Variants in NCEH1 observed in about 807,000 individuals in gnomAD.
NCEH1 encodes the protein 2-acetyl MAGE hydrolase.
In NCEH1, 9 loss-of-function variants were observed where a neutral mutation model predicts 25.4. That is an observed-to-expected ratio of 0.35 (90% CI 0.21 to 0.62). The LOEUF (loss-of-function observed/expected upper bound fraction) is 0.62, where lower values mean the gene tolerates loss of function less well. NCEH1 is among the 20% of genes least tolerant of loss of function. The probability of loss-of-function intolerance (pLI) is 0.72; values close to 1 mark genes in which losing one functional copy is unlikely to be tolerated. For synonymous variants in NCEH1, 200 were observed against 199.8 expected, an observed-to-expected ratio of 1.00 and a Z score of -0.01; for missense variants, 412 against 501.1, an observed-to-expected ratio of 0.82 and a Z score of 1.70.
intron 3 of NCEH1, among the ~76,000 whole-genome samples, chr3:172,642,602 A>AC (rs1234326745): frequency 8.5e-6 from 1 of 117,632 alleles, no homozygotes; most frequent in East Asian, 3.6e-4. Flanking sequence ...TGCTATTTCT[A>AC]CAAAAAAAAA....
intron 1 of NCEH1, among the ~76,000 whole-genome samples, chr3:172,665,583 C>A (rs1483515496): frequency 6.6e-6 from 1 of 152,214 alleles, no homozygotes; most frequent in Non-Finnish European, 1.5e-5. Flanking sequence ...TGCCCTGCCC[C>A]CAGAGGTGGA....
At chr3:172,667,456 T>A (rs1012910508) in intron 1 of NCEH1, among the ~76,000 whole-genome samples, 7 of 152,110 alleles carry the variant, frequency 4.6e-5, no homozygotes, top group African/African-American at 1.7e-4. Flanking sequence ...GTTTAGGAAG[T>A]CAAAGGGAAA....
intron 1 of NCEH1, among the ~76,000 whole-genome samples, chr3:172,680,322 C>T (rs1712274451): frequency 6.6e-6 from 1 of 152,164 alleles, no homozygotes; most frequent in Non-Finnish European, 1.5e-5. Context: ...CAGCTGGTGG[C>T]CTCTCTCAGG....
rs977314894 is a variant in NCEH1 at position 172,633,829 on chromosome 3, G to T, written c.873C>A (p.Leu291=). 6.2e-7 allele frequency: 1 copy of T among 1,614,240 alleles called. No homozygotes were observed. Among genetic ancestry groups the T allele is most frequent in the African/African-American group, 1.3e-5 (1 of 75,068 alleles). The change falls in exon 5 of 5, where the codon CTC becomes CTA. Residue 291 remains leucine (L), a synonymous_variant. Transcript: ENST00000475381. The stretch of plus-strand genomic sequence containing the variant: ...AGTTCTTTGTGAAGGATGCAGGCAA[G>T]AGGGATGTCCAGTTTAGACGGGCCC... ...AVRARLNWTS[L]LPASFTKNYK...
In NCEH1 at chr3:172,666,601, G is replaced by A. The variant is rs1315593972; in HGVS notation, c.139-18487C>T. On this transcript the variant is annotated intron_variant, in intron 1 of 4. Coordinates refer to ENST00000475381, the MANE Select transcript of NCEH1 (RefSeq NM_020792.6). ...TGTGTCATTTTATCTAAACTGGTGC[G>A]AGACCAAGGACCCTGGTGTTCCTCC... is the stretch of plus-strand genomic sequence containing the variant. Among the ~76,000 whole-genome samples the A allele has an allele frequency of 7.2e-5, 11 of 152,050 alleles. No homozygotes were observed. The East Asian group carries it at 1.5e-3, about 21-fold the overall frequency.
chr3:172,707,798 G>C (rs1714090710), intron 1 of NCEH1, among the ~76,000 whole-genome samples: 1 of 152,154 alleles, frequency 6.6e-6, no homozygotes, highest in African/African-American at 2.4e-5. Flanking sequence ...GTATTAGCCA[G>C]GATGGTCTTG....
chr3:172,687,907 T>C (rs9809242), intron 1 of NCEH1, among the ~76,000 whole-genome samples: 48,163 of 152,160 alleles, frequency 0.32, 7,815 homozygotes, highest in South Asian at 0.36. Context: ...ATATGCATAA[T>C]TGACAGTGTT....
In NCEH1 at chr3:172,645,627, T is replaced by C. The variant is rs367986260; in HGVS notation, c.433A>G (p.Ile145Val). The C allele has an allele frequency of 1.8e-5, 29 of 1,592,616 alleles. No individual in the cohort carries two copies. The highest frequency in any genetic ancestry group is 5.4e-5 in the African/African-American group (4 of 74,368). ...AEELNAVIVS[I>V]EYRLVPKVYF... Reference sequence around the variant, plus strand: ...TGACTAGCATTAATTACTTACTCAATGGAAACAATGACAGCATTCAATTCC... The same window carrying C: ...TGACTAGCATTAATTACTTACTCAACGGAAACAATGACAGCATTCAATTCC... Residue 145 changes from isoleucine to valine, a missense_variant, in exon 3 of 5, where the codon ATT becomes GTT. Transcript: ENST00000475381.
chr3:172,633,560 A>T lies in NCEH1; in HGVS notation c.1142T>A (p.Met381Lys). 6.2e-7 allele frequency: 1 copy of T among 1,614,140 alleles called. No individual in the cohort carries two copies. Residue 381 changes from methionine to lysine, a missense_variant, in exon 5 of 5, where the codon ATG (methionine) becomes AAG (lysine). Coordinates refer to ENST00000475381, the MANE Select transcript of NCEH1 (RefSeq NM_020792.6). ...GTTGGTGGGCCAGCTAGTGAAAATC[A>T]TACATCCGTGAAAGCCATCCTCAAA... is the stretch of plus-strand genomic sequence containing the variant. ...DHFEDGFHGCMIFTSWPTNFS... is the reference protein window; with the variant it reads ...DHFEDGFHGCKIFTSWPTNFS...
chr3:172,706,101 G>C (rs1447873451), intron 1 of NCEH1, among the ~76,000 whole-genome samples: 1 of 151,486 alleles, frequency 6.6e-6, no homozygotes, highest in Non-Finnish European at 1.5e-5. Flanking sequence ...CACTACTGAG[G>C]TTAATGGGGG....
At chr3:172,686,221 T>C (rs944158170) in intron 1 of NCEH1, among the ~76,000 whole-genome samples, 7 of 152,208 alleles carry the variant, frequency 4.6e-5, no homozygotes, top group African/African-American at 1.7e-4. Flanking sequence ...AGTCCATCCT[T>C]GACATGAGTA....
intron 1 of NCEH1, among the ~76,000 whole-genome samples, chr3:172,678,398 G>T (rs1004414814): frequency 6.6e-6 from 1 of 152,210 alleles, no homozygotes; most frequent in African/African-American, 2.4e-5. Context: ...TGTTGGGACA[G>T]AATCTGGGAA....
chr3:172,635,083 G>A lies in NCEH1; in HGVS notation c.609+833C>T, dbSNP rs189171959. Among the ~76,000 whole-genome samples, 7 of 152,316 alleles carry A rather than the reference G, an allele frequency of 4.6e-5. No individual in the cohort carries two copies. In the East Asian group the frequency reaches 7.7e-4, roughly 17 times the overall value. On this transcript the variant is annotated intron_variant, in intron 4 of 4. Transcript: ENST00000475381. ...TATCCAGGGCCCCGCAGCACTCAAC[G>A]GTGGGTCCTGGGTTAGATCCCAGTG...
intron 1 of NCEH1, among the ~76,000 whole-genome samples, chr3:172,659,779 G>A (rs999972065): frequency 7.9e-5 from 12 of 152,158 alleles, no homozygotes; most frequent in African/African-American, 2.4e-4. Context: ...AGTGACTATG[G>A]CAGCATAGCT....
chr3:172,675,315 A>AATTAATTAATT (rs1553835579), intron 1 of NCEH1, among the ~76,000 whole-genome samples: 1 of 134,544 alleles, frequency 7.4e-6, no homozygotes, highest in African/African-American at 3.1e-5. Context: ...ATAAATAAAT[A>AATTAATTAATT]AATAAATAAA....
intron 1 of NCEH1, among the ~76,000 whole-genome samples, chr3:172,702,881 A>T (rs1713775218): frequency 6.6e-6 from 1 of 152,220 alleles, no homozygotes; most frequent in East Asian, 1.9e-4. Flanking sequence ...AGTCCCAGCT[A>T]CTCAAAAGGC....
intron 3 of NCEH1, among the ~76,000 whole-genome samples, chr3:172,643,171 C>A (rs565497633): frequency 6.6e-6 from 1 of 152,114 alleles, no homozygotes; most frequent in Non-Finnish European, 1.5e-5. Context: ...GAACTCCCGA[C>A]CTCAGGTGAT....
chr3:172,664,668 T>C (rs1490573072), intron 1 of NCEH1, among the ~76,000 whole-genome samples: 1 of 152,188 alleles, frequency 6.6e-6, no homozygotes, highest in African/African-American at 2.4e-5. Flanking sequence ...TCTTTACTCT[T>C]TTTTCTCTAA....
At chr3:172,638,062 A>T (rs563051844) in intron 3 of NCEH1, among the ~76,000 whole-genome samples, 1 of 152,292 alleles carries the variant, frequency 6.6e-6, no homozygotes, top group African/African-American at 2.4e-5. Context: ...CCTGCTAGGT[A>T]ATTAAACATC....
Sources: gnomAD v4.1 joint callset for allele counts (sites outside exome capture counted in the v4.1 genomes callset) on GRCh38, gnomAD v4.1.1 for gene constraint, MANE v1.5 for transcripts, NCBI Gene and HGNC (gene_info 2026-07-23, HGNC 2026-07-21) for gene names.